The following RAD51B variants were observed in gnomAD, a reference collection of about 807,000 sequenced individuals.
The protein encoded by RAD51B is RAD51 paralog B.
Under a neutral mutation model 42.2 loss-of-function variants are expected in RAD51B, and 38 were observed. The ratio of observed to expected loss-of-function variants is 0.90; its 90% CI spans 0.70 to 1.18. RAD51B has a LOEUF of 1.18. Among genes scored for constraint, RAD51B ranks in the 50% most tolerant of loss-of-function variants. The pLI, the probability that RAD51B is intolerant of heterozygous loss-of-function variation, is 0.00. For synonymous variants in RAD51B, 154 were observed against 145.2 expected, an observed-to-expected ratio of 1.06 and a Z score of -0.43; for missense variants, 373 against 400.7, an observed-to-expected ratio of 0.93 and a Z score of 0.59.
At chr14:68,334,407 G>A (rs2082406148) in intron 8 of RAD51B, among the ~76,000 whole-genome samples, 1 of 152,168 alleles carries the variant, frequency 6.6e-6, no homozygotes, top group African/African-American at 2.4e-5. Context: ...GTGGATCTTT[G>A]TAAAATTCTT....
intron 10 of RAD51B, among the ~76,000 whole-genome samples, chr14:68,564,200 C>G (rs1328311869): frequency 6.6e-6 from 1 of 152,222 alleles, no homozygotes; most frequent in Admixed American, 6.5e-5. Flanking sequence ...TCAGGGCCTA[C>G]CAAGAATGGT....
chr14:68,624,534 C>T (rs558663060), intron 10 of RAD51B, among the ~76,000 whole-genome samples: 112 of 152,222 alleles, frequency 7.4e-4, no homozygotes, highest in Non-Finnish European at 1.5e-3. Context: ...TCCCCCTAAC[C>T]GCAGTTCCCT....
Position 67,833,505 on chromosome 14 carries a change from T to A in RAD51B, c.199-1575T>A, listed in dbSNP as rs574567255. ...GGATGTTTGAAAATTTGGATAGTACTAAACTCTATGTATACTATGTTTTTT... is the reference window on the plus strand; with the variant it reads ...GGATGTTTGAAAATTTGGATAGTACAAAACTCTATGTATACTATGTTTTTT... On this transcript the variant is annotated intron_variant, in intron 3 of 10. Coordinates refer to ENST00000471583, the MANE Select transcript of RAD51B (RefSeq NM_133510.4). Among the ~76,000 whole-genome samples, 11 of 152,326 alleles carry A rather than the reference T, an allele frequency of 7.2e-5. 1 individual carries two copies. In the South Asian group the frequency reaches 2.3e-3, roughly 32 times the overall value.
At chr14:68,666,449 G>A (rs1893034232) in intron 11 of RAD51B, among the ~76,000 whole-genome samples, 1 of 152,210 alleles carries the variant, frequency 6.6e-6, no homozygotes, top group Admixed American at 6.5e-5. Flanking sequence ...TCTGTACTTT[G>A]CAAGCACAAT....
At chr14:67,971,730 C>T (rs1175433706) in intron 7 of RAD51B, among the ~76,000 whole-genome samples, 1 of 151,888 alleles carries the variant, frequency 6.6e-6, no homozygotes. Context: ...GGTCATCCTC[C>T]CTCAGGGGGA....
At chr14:67,898,420 A>G (rs1595078605) in intron 7 of RAD51B, among the ~76,000 whole-genome samples, 2 of 152,336 alleles carry the variant, frequency 1.3e-5, no homozygotes, top group South Asian at 2.1e-4. Flanking sequence ...GGTGATTGCC[A>G]GGGGCTGAGA....
intron 8 of RAD51B, among the ~76,000 whole-genome samples, chr14:68,303,457 T>TAAAAAAAAAAA (rs58955054): frequency 9.4e-5 from 13 of 138,706 alleles, no homozygotes; most frequent in South Asian, 4.5e-4. Flanking sequence ...TAAAGTATAA[T>TAAAAAAAAAAA]AAAAAAAAAA....
chr14:68,679,037 C>A (rs1893371599), intron 11 of RAD51B, among the ~76,000 whole-genome samples: 1 of 152,068 alleles, frequency 6.6e-6, no homozygotes, highest in African/African-American at 2.4e-5. Flanking sequence ...TAAGGCCATG[C>A]AGAGTAATTA....
In RAD51B at chr14:67,995,409, A is replaced by G. The variant is rs1158523026; in HGVS notation, c.756+108205A>G. 2.0e-5 allele frequency among the ~76,000 whole-genome samples: 3 copies of G among 151,894 alleles called. No individual in the cohort carries two copies. In the East Asian group the frequency reaches 5.8e-4, roughly 29 times the overall value. On this transcript the variant is annotated intron_variant, in intron 7 of 10. Coordinates refer to ENST00000471583, the MANE Select transcript of RAD51B (RefSeq NM_133510.4). ...AAAAACAACAACAACAACAACAACA[A>G]CAACAACAAAAAGAACACACTCACA...
In RAD51B at chr14:68,072,251, T is replaced by G. The variant is rs557212789; in HGVS notation, c.756+185047T>G. ...AATAAACTCCTATATATATAATGCT[T>G]AATAAACTGTATATATAGGAGTTTA... On this transcript the variant is annotated intron_variant, in intron 7 of 10. Coordinates refer to ENST00000471583, the MANE Select transcript of RAD51B (RefSeq NM_133510.4). 9.6e-4 allele frequency among the ~76,000 whole-genome samples: 140 copies of G among 146,214 alleles called. 1 individual carries two copies. Among genetic ancestry groups the G allele is most frequent in the African/African-American group, 3.3e-3 (130 of 39,318 alleles).
At chr14:68,058,864 A>C (rs2076522077) in intron 7 of RAD51B, among the ~76,000 whole-genome samples, 1 of 152,164 alleles carries the variant, frequency 6.6e-6, no homozygotes, top group South Asian at 2.1e-4. Context: ...TTATATTTCC[A>C]CCAATAACAC....
chr14:68,500,086 C>T (rs939816272), intron 10 of RAD51B, among the ~76,000 whole-genome samples: 1 of 152,192 alleles, frequency 6.6e-6, no homozygotes, highest in African/African-American at 2.4e-5. Context: ...AGTCTCTTCC[C>T]TCTTGCGTTC....
chr14:68,205,596 GTTTTC>G (rs530078593), intron 7 of RAD51B, among the ~76,000 whole-genome samples: 18 of 151,464 alleles, frequency 1.2e-4, no homozygotes, highest in Admixed American at 3.9e-4. Context: ...TTTTTGTGTT[GTTTTC>G]TTTTCTTTTC....
At chr14:68,227,133 G>C (rs1429926927) in intron 7 of RAD51B, among the ~76,000 whole-genome samples, 3 of 152,188 alleles carry the variant, frequency 2.0e-5, no homozygotes, top group African/African-American at 7.2e-5. Context: ...TGTGTGGCCA[G>C]AGATGGAGAA....
rs75556326 is a variant in RAD51B at position 68,389,245 on chromosome 14, C to A, written c.854-22179C>A. ...TAAGAAACATAACATTAATAGCGCC[C>A]ATGGAAGCTCCTCCTTCCTGTCATG... On this transcript the variant is annotated intron_variant, in intron 8 of 10. Transcript: ENST00000471583. Among the ~76,000 whole-genome samples, 1,375 of 152,250 alleles carry A rather than the reference C, an allele frequency of 9.0e-3. 22 individuals carry two copies. Among genetic ancestry groups the A allele is most frequent in the African/African-American group, 0.031 (1,271 of 41,516 alleles).
chr14:67,923,518 T>G (rs989160560), intron 7 of RAD51B, among the ~76,000 whole-genome samples: 6 of 151,692 alleles, frequency 4.0e-5, no homozygotes, highest in African/African-American at 1.5e-4. Context: ...AGGCTGGTCT[T>G]GAACTCCCGA....
chr14:68,029,818 C>T (rs1314982656), intron 7 of RAD51B, among the ~76,000 whole-genome samples: 1 of 152,130 alleles, frequency 6.6e-6, no homozygotes, highest in Non-Finnish European at 1.5e-5. Context: ...GCACTTACAG[C>T]CTCTTGAATT....
intron 9 of RAD51B, among the ~76,000 whole-genome samples, chr14:68,418,765 G>A (rs1052442737): frequency 6.6e-6 from 1 of 152,206 alleles, no homozygotes; most frequent in Non-Finnish European, 1.5e-5. Flanking sequence ...AATGAAGATT[G>A]GACAGGATGT....
intron 9 of RAD51B, among the ~76,000 whole-genome samples, chr14:68,463,061 G>C (rs1436598022): frequency 6.6e-6 from 1 of 152,118 alleles, no homozygotes; most frequent in Non-Finnish European, 1.5e-5. Flanking sequence ...TATTGAAGAA[G>C]ATAGAATGAT....
Sources: gnomAD v4.1 joint callset for allele counts (sites outside exome capture counted in the v4.1 genomes callset) on GRCh38, gnomAD v4.1.1 for gene constraint, MANE v1.5 for transcripts, NCBI Gene and HGNC (gene_info 2026-07-23, HGNC 2026-07-21) for gene names.